The following MOGAT1 variants were observed in gnomAD, a reference collection of about 807,000 sequenced individuals.
MOGAT1 encodes the protein 2-acylglycerol O-acyltransferase 1.
A neutral mutation model predicts 31.4 loss-of-function variants in MOGAT1; 32 were observed. That is an observed-to-expected ratio of 1.02 (90% confidence interval 0.77 to 1.37). The LOEUF is 1.37. Among genes scored for constraint, MOGAT1 ranks in the 40% most tolerant of loss-of-function variants. The pLI, the probability that MOGAT1 is intolerant of heterozygous loss-of-function variation, is 0.00. For synonymous variants in MOGAT1, 145 were observed against 144.5 expected (o/e 1.00, Z -0.03); for missense variants, 426 against 402.0 (o/e 1.06, Z -0.51).
chr2:222,700,813 A>C (rs1424203842), intron 5 of MOGAT1, among the ~76,000 whole-genome samples: 1 of 152,218 alleles, frequency 6.6e-6, no homozygotes, highest in African/African-American at 2.4e-5. Context: ...GACTGTGTTC[A>C]TTTCTATTTT....
At chr2:222,672,908 T>TTATTA (rs1186785500) in intron 1 of MOGAT1, among the ~76,000 whole-genome samples, 1 of 147,670 alleles carries the variant, frequency 6.8e-6, no homozygotes, top group Non-Finnish European at 1.5e-5. Context: ...ATTATTATTA[T>TTATTA]TATTATTATT....
rs775805988 is a variant in MOGAT1 at position 222,689,449 on chromosome 2, G to A, written c.458G>A (p.Arg153Gln). Residue 153 changes from arginine to glutamine, a missense_variant, in exon 3 of 6, where the codon CGA (arginine) becomes CAA (glutamine). Coordinates refer to ENST00000446656, the MANE Select transcript of MOGAT1 (RefSeq NM_058165.3). ...CTTTGGTTCTGGTGTCCTGTCTTTCGAGAATATGTGATGAGTGTTGGTAAG... is the reference window on the plus strand; with the variant it reads ...CTTTGGTTCTGGTGTCCTGTCTTTCAAGAATATGTGATGAGTGTTGGTAAG... ...LPLWFWCPVFREYVMSVGLVS... is the reference protein window; with the variant it reads ...LPLWFWCPVFQEYVMSVGLVS... 27 of 1,613,826 alleles carry A rather than the reference G, an allele frequency of 1.7e-5. No homozygotes were observed. The highest frequency in any genetic ancestry group is 5.3e-5 in the African/African-American group (4 of 74,924).
At chr2:222,689,145 A>G in intron 2 of MOGAT1, 120 bp from the exon 3 acceptor site, 2 of 876,560 alleles carry the variant, frequency 2.3e-6, no homozygotes, top group Non-Finnish European at 3.4e-6. Context: ...CAACCCAGGG[A>G]ACAAAAATGA....
chr2:222,701,549 AAAAG>A (rs1294752775), intron 5 of MOGAT1, among the ~76,000 whole-genome samples: 27 of 143,016 alleles, frequency 1.9e-4, no homozygotes, highest in East Asian at 7.8e-4. Context: ...GAAAAAAGAA[AAAAG>A]AAAGAAAGAG....
At chr2:222,688,261 A>G (rs1574972677) in intron 1 of MOGAT1, 83 bp from the exon 2 acceptor site, 2 of 1,022,180 alleles carry the variant, frequency 2.0e-6, no homozygotes, top group South Asian at 3.7e-5. Flanking sequence ...CATATCTTAT[A>G]TGTATTAATC....
Position 222,688,439 on chromosome 2 carries a change from A to G in MOGAT1, c.190A>G (p.Thr64Ala). 1 of 1,613,774 alleles carries G rather than the reference A, an allele frequency of 6.2e-7. No individual in the cohort carries two copies. Residue 64 changes from threonine (T) to alanine (A), a missense_variant, in exon 2 of 6, where the codon ACC becomes GCC. Thr to Ala is a moderately conservative substitution (Grantham distance 58, BLOSUM62 0). Transcript: ENST00000446656. ...GATGTGGCTTTACTTTGACTGGCATACCCCAGAGCGAGGAGGCAGGAGATC... is the reference window on the plus strand; with the variant it reads ...GATGTGGCTTTACTTTGACTGGCATGCCCCAGAGCGAGGAGGCAGGAGATC... ...YLMWLYFDWH[T>A]PERGGRRSSW... is the part of the protein sequence containing the mutation.
chr2:222,698,248 T>A (rs1316032943), intron 5 of MOGAT1, among the ~76,000 whole-genome samples: 1 of 152,230 alleles, frequency 6.6e-6, no homozygotes, highest in Non-Finnish European at 1.5e-5. Flanking sequence ...AGATGTTACT[T>A]CCATGTATTT....
At chr2:222,695,931 C>G (rs574982418) in intron 5 of MOGAT1, among the ~76,000 whole-genome samples, 3 of 152,102 alleles carry the variant, frequency 2.0e-5, no homozygotes, top group Admixed American at 6.5e-5. Flanking sequence ...CTCTTTCCCC[C>G]GAGTCCCCAA....
At chr2:222,672,924 T>TATTATTATTATTATC (rs1379465680) in intron 1 of MOGAT1, among the ~76,000 whole-genome samples, 2 of 145,774 alleles carry the variant, frequency 1.4e-5, no homozygotes, top group African/African-American at 4.9e-5. Context: ...TTATTATTAT[T>TATTATTATTATTATC]ATCTTTGAGA....
chr2:222,698,234 C>T (rs2106041643), intron 5 of MOGAT1, among the ~76,000 whole-genome samples: 1 of 152,302 alleles, frequency 6.6e-6, no homozygotes, highest in South Asian at 2.1e-4. Context: ...ACCGTCAGGA[C>T]AAAAGATGTT....
At chr2:222,704,929 A>G (rs553990360) in intron 5 of MOGAT1, among the ~76,000 whole-genome samples, 3 of 152,294 alleles carry the variant, frequency 2.0e-5, no homozygotes, top group Non-Finnish European at 4.4e-5. Context: ...CCCCAAGAGA[A>G]GGCCCTTGGA....
At chr2:222,702,825 A>G (rs1430641690) in intron 5 of MOGAT1, among the ~76,000 whole-genome samples, 1 of 150,226 alleles carries the variant, frequency 6.7e-6, no homozygotes, top group Non-Finnish European at 1.5e-5. Context: ...CTTTGTCTCA[A>G]AAAAAAAAAC....
At chr2:222,681,308 T>A (rs773603894) in intron 1 of MOGAT1, among the ~76,000 whole-genome samples, 8 of 152,238 alleles carry the variant, frequency 5.3e-5, no homozygotes, top group Non-Finnish European at 1.2e-4. Context: ...TTCTGACGGC[T>A]ACAAATTGAG....
intron 5 of MOGAT1, among the ~76,000 whole-genome samples, chr2:222,700,079 A>G (rs1353320372): frequency 1.3e-5 from 2 of 152,224 alleles, no homozygotes; most frequent in Non-Finnish European, 2.9e-5. Context: ...TTATATGCAA[A>G]GTACTATTGT....
chr2:222,694,430 G>C lies in MOGAT1; in HGVS notation c.547G>C (p.Val183Leu). 6.2e-7 allele frequency: 1 copy of C among 1,613,844 alleles called. No individual in the cohort carries two copies. ...VSKEGGGNIS[V>L]IVLGGAKESL... ...CAAGGAGGGAGGTGGAAACATCTCT[G>C]TCATTGTCCTTGGGGGTGCAAAAGA... The change falls in exon 4 of 6, where the codon GTC (valine) becomes CTC (leucine). Residue 183 changes from valine to leucine, a missense_variant. Val to Leu is a conservative substitution (Grantham distance 32). Transcript: ENST00000446656.
chr2:222,703,404 TTTG>T (rs1390632842), intron 5 of MOGAT1, among the ~76,000 whole-genome samples: 2 of 152,030 alleles, frequency 1.3e-5, no homozygotes, highest in Non-Finnish European at 2.9e-5. Context: ...GTTTGTTTGT[TTTG>T]TTTTTTGTTT....
At chr2:222,700,567 T>C (rs944597245) in intron 5 of MOGAT1, among the ~76,000 whole-genome samples, 5 of 152,228 alleles carry the variant, frequency 3.3e-5, no homozygotes, top group African/African-American at 1.2e-4. Flanking sequence ...GTTTTGTATA[T>C]GTTTCATAAA....
Position 222,685,917 on chromosome 2 carries a change from T to C in MOGAT1, c.95-2427T>C, listed in dbSNP as rs909022469. 3.9e-5 allele frequency among the ~76,000 whole-genome samples: 6 copies of C among 152,130 alleles called. No individual in the cohort carries two copies. The East Asian group carries it at 9.6e-4, about 24-fold the overall frequency. ...GCCCGGCTGTGTTTTCTTCTTTTGA[T>C]GTAAAACATGTAATGAGCATTAAAG... On this transcript the variant is annotated intron_variant, in intron 1 of 5. Transcript: ENST00000446656.
intron 1 of MOGAT1, among the ~76,000 whole-genome samples, chr2:222,684,580 T>C (rs919308153): frequency 1.3e-5 from 2 of 152,148 alleles, no homozygotes; most frequent in African/African-American, 2.4e-5. Flanking sequence ...TCCAGTATCT[T>C]ACTTCTTTTT....
Sources: allele counts gnomAD v4.1 joint callset (sites outside exome capture counted in the v4.1 genomes callset), GRCh38; gene constraint gnomAD v4.1.1; transcripts MANE v1.5; gene names NCBI Gene and HGNC (gene_info 2026-07-23, HGNC 2026-07-21).